STK31: variants seen among roughly 807,000 people sequenced by gnomAD.
STK31 encodes serine/threonine-protein kinase 31.
A neutral mutation model predicts 129.7 loss-of-function variants in STK31; 89 were observed. That is an observed-to-expected ratio of 0.69 (90% CI 0.58 to 0.82). The LOEUF (loss-of-function observed/expected upper bound fraction) is 0.82. STK31 is among the 40% of genes least tolerant of loss of function. STK31 has a pLI of 0.00. For missense variants in STK31, 1,187 were observed against 1,176.4 expected, an observed-to-expected ratio of 1.01 and a Z score of -0.13; for synonymous variants, 448 against 395.3, an observed-to-expected ratio of 1.13 and a Z score of -1.58.
chr7:23,830,246 A>T (rs12700490), intron 23 of STK31, among the ~76,000 whole-genome samples: 62,417 of 151,792 alleles, frequency 0.41, 13,104 homozygotes, highest in Admixed American at 0.49. Flanking sequence ...TTTTAAAAAA[A>T]TTTTTTTTGT....
chr7:23,741,966 C>T (rs936830719), intron 8 of STK31, among the ~76,000 whole-genome samples: 15 of 152,190 alleles, frequency 9.9e-5, no homozygotes, highest in Admixed American at 6.5e-4. Context: ...TGGCCTGTGC[C>T]CTGGGATACT....
At chr7:23,820,258 G>A (rs549497580) in intron 23 of STK31, among the ~76,000 whole-genome samples, 1 of 152,234 alleles carries the variant, frequency 6.6e-6, no homozygotes, top group East Asian at 1.9e-4. Flanking sequence ...CCTACAGTTG[G>A]CCCAGTGGAA....
intron 3 of STK31, 91 bp downstream of exon 3, chr7:23,712,377 A>G (rs1786028422): frequency 2.5e-6 from 3 of 1,218,200 alleles, no homozygotes; most frequent in African/African-American, 1.5e-5. Context: ...GAATAAATAC[A>G]TTTGTCATTC....
At chr7:23,779,974 C>T (rs969145994) in intron 15 of STK31, among the ~76,000 whole-genome samples, 1 of 152,218 alleles carries the variant, frequency 6.6e-6, no homozygotes, top group Non-Finnish European at 1.5e-5. Flanking sequence ...ATGTATGCAT[C>T]TGAGGGAATC....
At chr7:23,741,567 G>A (rs1562564221) in intron 8 of STK31, among the ~76,000 whole-genome samples, 1 of 152,092 alleles carries the variant, frequency 6.6e-6, no homozygotes, top group Non-Finnish European at 1.5e-5. Flanking sequence ...AATAATTTCA[G>A]GGACACAGGT....
chr7:23,797,811 A>G (rs531167759), intron 22 of STK31, among the ~76,000 whole-genome samples: 22 of 152,312 alleles, frequency 1.4e-4, no homozygotes, highest in African/African-American at 4.8e-5. Context: ...CAAAAAATCA[A>G]TGAATCCAGG....
At chr7:23,766,714 A>T (rs1789851959) in intron 11 of STK31, among the ~76,000 whole-genome samples, 2 of 152,018 alleles carry the variant, frequency 1.3e-5, no homozygotes, top group Admixed American at 1.3e-4. Flanking sequence ...GGTTTTATAT[A>T]TTTCTTTAAT....
intron 8 of STK31, among the ~76,000 whole-genome samples, chr7:23,752,039 G>A (rs1000406851): frequency 1.3e-5 from 2 of 152,056 alleles, no homozygotes; most frequent in African/African-American, 2.4e-5. Context: ...AAAAAGTTCT[G>A]GAGATGGATG....
intron 14 of STK31, chr7:23,771,666 G>A (rs1248361802): frequency 2.6e-5 from 4 of 152,708 alleles, no homozygotes; most frequent in Non-Finnish European, 4.4e-5. Flanking sequence ...TGGACATTAA[G>A]GTTACTTCCA....
In STK31 at chr7:23,824,167, G is replaced by C. The variant is rs193135088; in HGVS notation, c.2830-7969G>C. On this transcript the variant is annotated intron_variant, in intron 23 of 23. Coordinates refer to ENST00000355870, the MANE Select transcript of STK31 (RefSeq NM_031414.5). ...TTGGTAGCTCGATGGGGATGGCATT[G>C]AATCTATAAATTACCTTGGGCAGTA... Among the ~76,000 whole-genome samples, 602 of 152,280 alleles carry C rather than the reference G, an allele frequency of 4.0e-3. 16 individuals carry two copies. The highest frequency in any genetic ancestry group is 0.037 in the Admixed American group (563 of 15,304).
intron 8 of STK31, among the ~76,000 whole-genome samples, chr7:23,752,421 C>T (rs1788768344): frequency 6.6e-6 from 1 of 151,106 alleles, no homozygotes; most frequent in South Asian, 2.1e-4. Context: ...ACAATCTCGC[C>T]TCGCTGCAAC....
intron 8 of STK31, among the ~76,000 whole-genome samples, chr7:23,743,040 C>T (rs932760223): frequency 2.6e-5 from 4 of 151,344 alleles, no homozygotes; most frequent in African/African-American, 9.7e-5. Flanking sequence ...GCAACCTCCA[C>T]CTCCCAAGTT....
In STK31 at chr7:23,775,066, A is replaced by G. The variant is rs370903968; in HGVS notation, c.1965+2788A>G. ...CCCCATTGCTTTCCCAGTTTTCCCAATAACATTTATTAAATAGGGAATCCT... is the reference window on the plus strand; with the variant it reads ...CCCCATTGCTTTCCCAGTTTTCCCAGTAACATTTATTAAATAGGGAATCCT... On this transcript the variant is annotated intron_variant, in intron 15 of 23. Transcript: ENST00000355870. 5.9e-5 allele frequency among the ~76,000 whole-genome samples: 9 copies of G among 152,088 alleles called. No individual in the cohort carries two copies. The East Asian group carries it at 7.7e-4, about 13-fold the overall frequency.
intron 15 of STK31, among the ~76,000 whole-genome samples, chr7:23,774,304 G>A: frequency 6.6e-6 from 1 of 152,106 alleles, no homozygotes; most frequent in Non-Finnish European, 1.5e-5. Flanking sequence ...CCCAGTAATG[G>A]GATGGCTGGG....
At chr7:23,813,078 C>CTTTTTTTTTTTTTTTTTT (rs70956924) in intron 22 of STK31, among the ~76,000 whole-genome samples, 75 of 94,108 alleles carry the variant, frequency 8.0e-4, no homozygotes, top group Admixed American at 1.0e-3. Context: ...GCTCTCTGTT[C>CTTTTTTTTTTTTTTTTTT]TTTTTTTTTT....
At chr7:23,783,509 T>G in intron 16 of STK31, 74 bp from the exon 17 acceptor site, 1 of 1,080,640 alleles carries the variant, frequency 9.3e-7, no homozygotes, top group Non-Finnish European at 1.4e-6. Flanking sequence ...GCTGATATAT[T>G]TTCCTGAAGA....
At chr7:23,720,078 T>C (rs1786598525) in intron 4 of STK31, among the ~76,000 whole-genome samples, 1 of 152,224 alleles carries the variant, frequency 6.6e-6, no homozygotes, top group Non-Finnish European at 1.5e-5. Flanking sequence ...CCTGTTTTTA[T>C]CACTGATAAG....
intron 22 of STK31, among the ~76,000 whole-genome samples, chr7:23,796,305 G>C (rs1004828601): frequency 2.0e-5 from 3 of 151,780 alleles, no homozygotes; most frequent in African/African-American, 4.8e-5. Context: ...TTTCATCAAT[G>C]CTTCAGTAAT....
Position 23,732,062 on chromosome 7 carries a change from A to G in STK31, c.483+2813A>G, listed in dbSNP as rs376231271. On this transcript the variant is annotated intron_variant, in intron 6 of 23. Transcript: ENST00000355870. Reference sequence around the variant, plus strand: ...GGTGGCTCATGCCTGTAAGCCCAGCACTTTCGGAGGCTGAAGTGGGTGGAT... The same window carrying G: ...GGTGGCTCATGCCTGTAAGCCCAGCGCTTTCGGAGGCTGAAGTGGGTGGAT... 1.8e-4 allele frequency among the ~76,000 whole-genome samples: 28 copies of G among 152,280 alleles called. 2 individuals carry two copies. Among genetic ancestry groups the G allele is most frequent in the Admixed American group, 9.2e-4 (14 of 15,298 alleles).
Sources: gnomAD v4.1 joint callset for allele counts (sites outside exome capture counted in the v4.1 genomes callset) on GRCh38, gnomAD v4.1.1 for gene constraint, MANE v1.5 for transcripts, NCBI Gene and HGNC (gene_info 2026-07-23, HGNC 2026-07-21) for gene names.